The following USP10 variants were observed in gnomAD, a reference collection of about 807,000 sequenced individuals.
USP10 encodes ubiquitin carboxyl-terminal hydrolase 10.
Under a neutral mutation model 84.5 loss-of-function variants are expected in USP10, and 22 were observed. The observed-to-expected ratio is 0.26, with a 90% CI of 0.19 to 0.37. The LOEUF (loss-of-function observed/expected upper bound fraction) is 0.37, where lower values mean the gene tolerates loss of function less well. Ranked by LOEUF, USP10 falls within the 10% of genes least tolerant of loss-of-function variation. The pLI, the probability that USP10 is intolerant of heterozygous loss-of-function variation, is 1.00. For missense variants in USP10, 1,019 were observed against 998.9 expected, an observed-to-expected ratio of 1.02 and a Z score of -0.27; for synonymous variants, 454 against 387.6, an observed-to-expected ratio of 1.17 and a Z score of -2.01.
intron 1 of USP10, among the ~76,000 whole-genome samples, chr16:84,710,318 TCTTA>T (rs1351193487): frequency 1.3e-5 from 2 of 149,198 alleles, no homozygotes. Flanking sequence ...TGTGCAGGGG[TCTTA>T]CTTAGATGCT....
intron 4 of USP10, among the ~76,000 whole-genome samples, chr16:84,747,416 A>G (rs1304038212): frequency 1.3e-5 from 2 of 152,138 alleles, no homozygotes; most frequent in Admixed American, 1.3e-4. Flanking sequence ...ATGTATATAT[A>G]TTTTTAAGAG....
chr16:84,775,509 T>G (rs1016486570), intron 13 of USP10, among the ~76,000 whole-genome samples: 17 of 152,302 alleles, frequency 1.1e-4, no homozygotes, highest in South Asian at 2.1e-4. Flanking sequence ...GCTGGCTGTT[T>G]GAGAATGTGA....
At chr16:84,709,712 G>A (rs1444387153) in intron 1 of USP10, among the ~76,000 whole-genome samples, 1 of 152,100 alleles carries the variant, frequency 6.6e-6, no homozygotes, top group African/African-American at 2.4e-5. Flanking sequence ...CTGAATGTTG[G>A]GCAAAGCTGG....
chr16:84,758,312 T>G (rs1011033295), intron 4 of USP10, among the ~76,000 whole-genome samples: 49 of 152,242 alleles, frequency 3.2e-4, no homozygotes, highest in African/African-American at 1.2e-3. Flanking sequence ...CAAGATATCT[T>G]TCTATCTAGT....
rs542636485 is a variant in USP10 at position 84,774,661 on chromosome 16, G to A, written c.2144-499G>A. ...AATTTTTTGTATTTTTAATAGAGACGTGGTTTCACTGTATTAGCCAGGATG... is the reference window on the plus strand; with the variant it reads ...AATTTTTTGTATTTTTAATAGAGACATGGTTTCACTGTATTAGCCAGGATG... On this transcript the variant is annotated intron_variant, in intron 12 of 13. Transcript: ENST00000219473. 6.6e-5 allele frequency among the ~76,000 whole-genome samples: 10 copies of A among 152,034 alleles called. No homozygotes were observed. The South Asian group carries it at 1.9e-3, about 29-fold the overall frequency.
intron 3 of USP10, 118 bp from the exon 4 acceptor site, chr16:84,744,515 A>T: frequency 1.1e-6 from 1 of 902,284 alleles, no homozygotes; most frequent in Admixed American, 3.0e-5. Context: ...AGGACGTAAT[A>T]GATTTGTTGA....
chr16:84,737,040 G>A (rs575044511), intron 2 of USP10, among the ~76,000 whole-genome samples: 58 of 152,206 alleles, frequency 3.8e-4, no homozygotes, highest in African/African-American at 8.4e-4. Flanking sequence ...TGCCCGCCTC[G>A]GCTTCCCAAA....
intron 1 of USP10, among the ~76,000 whole-genome samples, chr16:84,725,241 C>CATTTT (rs1908305825): frequency 6.6e-6 from 1 of 152,164 alleles, no homozygotes; most frequent in African/African-American, 2.4e-5. Context: ...CATGATCTTT[C>CATTTT]TGTGTCTGGT....
At chr16:84,778,088 T>A (rs72799505) in intron 13 of USP10, among the ~76,000 whole-genome samples, 1 of 147,832 alleles carries the variant, frequency 6.8e-6, no homozygotes, top group Non-Finnish European at 1.5e-5. Flanking sequence ...TTTAAGTAAA[T>A]AACTGTGTGT....
intron 11 of USP10, among the ~76,000 whole-genome samples, chr16:84,769,575 G>C (rs1047295062): frequency 3.1e-5 from 2 of 63,690 alleles, no homozygotes; most frequent in Non-Finnish European, 8.0e-5. Context: ...GGGTGGTTCA[G>C]TTGTGCATTG....
chr16:84,774,137 C>T (rs1437634844), intron 12 of USP10, among the ~76,000 whole-genome samples: 1 of 151,672 alleles, frequency 6.6e-6, no homozygotes, highest in South Asian at 2.1e-4. Context: ...GTAATCCTAG[C>T]TACTTGGGAG....
intron 2 of USP10, among the ~76,000 whole-genome samples, chr16:84,734,933 C>T (rs746955508): frequency 3.9e-5 from 6 of 152,222 alleles, no homozygotes; most frequent in Non-Finnish European, 5.9e-5. Context: ...TTGGGCAGTG[C>T]ATCTCCCCTG....
chr16:84,704,797 G>A (rs1235480747), intron 1 of USP10: 1 of 1,535,436 alleles, frequency 6.5e-7, no homozygotes, highest in Non-Finnish European at 8.7e-7. Flanking sequence ...AGCTCTACCA[G>A]CACTGCCATT....
chr16:84,774,544 C>T (rs185276435), intron 12 of USP10, among the ~76,000 whole-genome samples: 105 of 150,754 alleles, frequency 7.0e-4, no homozygotes, highest in South Asian at 1.0e-3. Flanking sequence ...GATCTCGGCT[C>T]GCTGCAACCT....
chr16:84,738,884 A>G (rs1003671521), intron 2 of USP10, among the ~76,000 whole-genome samples: 1 of 152,162 alleles, frequency 6.6e-6, no homozygotes, highest in African/African-American at 2.4e-5. Flanking sequence ...AGTATTGGGC[A>G]TGAGACTTAC....
At chr16:84,714,903 A>T (rs183745523) in intron 1 of USP10, among the ~76,000 whole-genome samples, 6 of 150,940 alleles carry the variant, frequency 4.0e-5, no homozygotes, top group African/African-American at 1.5e-4. Flanking sequence ...AAAAATATTT[A>T]AAAAGTTCTG....
intron 1 of USP10, among the ~76,000 whole-genome samples, chr16:84,709,815 G>A (rs921126139): frequency 1.3e-5 from 2 of 152,182 alleles, no homozygotes; most frequent in African/African-American, 4.8e-5. Flanking sequence ...ACTGTGCAGA[G>A]GAACTGTCTC....
chr16:84,745,140 G>A lies in USP10; in HGVS notation c.659G>A (p.Ser220Asn). 6.2e-7 allele frequency: 1 copy of A among 1,613,544 alleles called. No individual in the cohort carries two copies. The highest frequency in any genetic ancestry group is 8.5e-7 in the Non-Finnish European group (1 of 1,179,706). Residue 220 changes from serine (S) to asparagine (N), a missense_variant, in exon 4 of 14, where the codon AGT becomes AAT. Ser to Asn is a conservative substitution (Grantham distance 46, BLOSUM62 1). Around this residue, in one of 2 missense-constraint regions of USP10, gnomAD observed 787 missense variants for 708.8 expected, o/e 1.11. Transcript: ENST00000219473. The stretch of plus-strand genomic sequence containing the variant: ...CCCCAGAACTCCACAGACTCTGTCA[G>A]TGACATTGTGCCTGACAGTCCTTTC... ...NSPQNSTDSV[S>N]DIVPDSPFPG...
intron 1 of USP10, among the ~76,000 whole-genome samples, chr16:84,730,925 C>G (rs16974478): frequency 0.056 from 8,382 of 148,468 alleles, 477 homozygotes; most frequent in African/African-American, 0.16. Flanking sequence ...AAAGGCCTTT[C>G]TTGTTAGTCA....
Sources: allele counts gnomAD v4.1 joint callset (sites outside exome capture counted in the v4.1 genomes callset), GRCh38; gene constraint gnomAD v4.1.1; regional missense constraint gnomAD v4.1.1; transcripts MANE v1.5; gene names NCBI Gene and HGNC (gene_info 2026-07-23, HGNC 2026-07-21).